The following ACTR10 variants were observed in gnomAD, a reference collection of about 807,000 sequenced individuals.
ACTR10 encodes the protein actin related protein 10.
Under a neutral mutation model 56.2 loss-of-function variants are expected in ACTR10, and 43 were observed. The observed-to-expected ratio is 0.77, with a 90% CI of 0.60 to 0.99. The LOEUF is 0.99. ACTR10 is among the 50% of genes least tolerant of loss of function. ACTR10 has a pLI of 0.00. For missense variants in ACTR10, 466 were observed against 507.8 expected (o/e 0.92, Z 0.79); for synonymous variants, 170 against 176.3 (o/e 0.96, Z 0.28).
intron 2 of ACTR10, among the ~76,000 whole-genome samples, chr14:58,205,634 A>G (rs1725112578): frequency 6.6e-6 from 1 of 152,030 alleles, no homozygotes; most frequent in Non-Finnish European, 1.5e-5. Context: ...TTTTAATTAC[A>G]CTTGATTAAG....
intron 3 of ACTR10, 83 bp from the exon 4 acceptor site, chr14:58,208,916 A>T: frequency 2.4e-6 from 2 of 834,808 alleles, no homozygotes; most frequent in Non-Finnish European, 2.0e-6. Context: ...CTAAGGTAGT[A>T]CAGTTTCACT....
rs527714860 is a variant in ACTR10 at position 58,234,818 on chromosome 14, C to CTTT, written c.*286_*288dup. On this transcript the variant is annotated 3_prime_UTR_variant, in exon 13 of 13. Coordinates refer to ENST00000254286, the MANE Select transcript of ACTR10 (RefSeq NM_018477.3). The stretch of plus-strand genomic sequence containing the variant: ...TTGATTTTGGAAGTTTGTTATGTGG[C>CTTT]TTTTTTTTTTTTTTTTTTTTTGAGA... 14 of 97,452 alleles carry CTTT rather than the reference C, an allele frequency of 1.4e-4. No individual in the cohort carries two copies. The highest frequency in any genetic ancestry group is 3.3e-4 in the South Asian group (1 of 3,032). The allele number at this position is 97,452 out of a possible 1,614,324, so 6.0% of individuals were successfully genotyped here.
At chr14:58,201,864 C>A (rs1463615295) in intron 1 of ACTR10, among the ~76,000 whole-genome samples, 1 of 151,854 alleles carries the variant, frequency 6.6e-6, no homozygotes, top group Non-Finnish European at 1.5e-5. Flanking sequence ...ATTTAGCCGG[C>A]GGTAGTGTCG....
chr14:58,206,181 CT>C (rs938109409), intron 2 of ACTR10, among the ~76,000 whole-genome samples: 117 of 145,364 alleles, frequency 8.0e-4, no homozygotes, highest in East Asian at 1.4e-3. Context: ...GAGCTTTTAT[CT>C]TTTTTTTTTT....
At chr14:58,206,320 C>T (rs1040946676) in intron 2 of ACTR10, among the ~76,000 whole-genome samples, 15 of 151,086 alleles carry the variant, frequency 9.9e-5, no homozygotes, top group Admixed American at 9.3e-4. Flanking sequence ...GAATTACAGG[C>T]GCCCTCCACC....
intron 6 of ACTR10, among the ~76,000 whole-genome samples, chr14:58,214,707 T>C (rs1889090506): frequency 6.7e-6 from 1 of 148,930 alleles, no homozygotes; most frequent in African/African-American, 2.4e-5. Flanking sequence ...GCCAGGCTGT[T>C]CTCAAACTCC....
At chr14:58,212,751 C>A (rs1889034383) in intron 5 of ACTR10, among the ~76,000 whole-genome samples, 1 of 152,136 alleles carries the variant, frequency 6.6e-6, no homozygotes, top group African/African-American at 2.4e-5. Context: ...ACTTAGCAAA[C>A]CCACAGTAAA....
chr14:58,202,183 G>T (rs1888727456), intron 1 of ACTR10, among the ~76,000 whole-genome samples: 1 of 152,010 alleles, frequency 6.6e-6, no homozygotes, highest in Non-Finnish European at 1.5e-5. Context: ...TAGAATGATG[G>T]AATTATGAGT....
At chr14:58,208,203 G>C (rs574456853) in intron 3 of ACTR10, among the ~76,000 whole-genome samples, 185 bp downstream of exon 3, 2 of 151,976 alleles carry the variant, frequency 1.3e-5, no homozygotes, top group South Asian at 4.2e-4. Flanking sequence ...CAGACATAAA[G>C]AGATACTGAA....
intron 7 of ACTR10, among the ~76,000 whole-genome samples, chr14:58,218,339 T>C (rs900064828): frequency 6.6e-6 from 1 of 152,136 alleles, no homozygotes; most frequent in Admixed American, 6.5e-5. Context: ...AGATAGGAAA[T>C]CTTCAAAAAT....
At chr14:58,204,438 C>G (rs1387499947) in intron 2 of ACTR10, among the ~76,000 whole-genome samples, 2 of 152,090 alleles carry the variant, frequency 1.3e-5, no homozygotes, top group African/African-American at 4.8e-5. Flanking sequence ...TAGTCCCCAG[C>G]TACTTGGGAG....
At chr14:58,229,215 T>C (rs569175216) in intron 10 of ACTR10, among the ~76,000 whole-genome samples, 239 of 151,782 alleles carry the variant, frequency 1.6e-3, no homozygotes, top group Non-Finnish European at 2.6e-3. Context: ...AAGTCAAATA[T>C]CTAGAAACAG....
At chr14:58,233,570 C>A (rs1889596517) in intron 12 of ACTR10, among the ~76,000 whole-genome samples, 2 of 152,188 alleles carry the variant, frequency 1.3e-5, no homozygotes, top group Admixed American at 6.5e-5. Flanking sequence ...GGTAAGACTT[C>A]TCAGTCAACA....
chr14:58,203,516 C>G (rs1451778966), intron 2 of ACTR10, among the ~76,000 whole-genome samples: 1 of 152,040 alleles, frequency 6.6e-6, no homozygotes, highest in Non-Finnish European at 1.5e-5. Flanking sequence ...ACAATTAATC[C>G]TCATTCCTAT....
chr14:58,217,577 A>G (rs1889162270), intron 7 of ACTR10, among the ~76,000 whole-genome samples: 1 of 151,936 alleles, frequency 6.6e-6, no homozygotes, highest in African/African-American at 2.4e-5. Flanking sequence ...GAGGCAGGAG[A>G]ATCGCTTGAA....
intron 12 of ACTR10, among the ~76,000 whole-genome samples, chr14:58,232,947 C>G (rs1397315852): frequency 6.6e-6 from 1 of 150,744 alleles, no homozygotes; most frequent in African/African-American, 2.4e-5. Context: ...CCCAGCTCAC[C>G]GCAACCTCTG....
intron 7 of ACTR10, among the ~76,000 whole-genome samples, chr14:58,216,794 C>T (rs1889144736): frequency 6.6e-6 from 1 of 152,154 alleles, no homozygotes. Context: ...ATAAATTGCT[C>T]CTCTCTGTTA....
intron 12 of ACTR10, among the ~76,000 whole-genome samples, chr14:58,233,969 T>A (rs915366250): frequency 3.3e-5 from 5 of 152,198 alleles, no homozygotes. Flanking sequence ...GACATTATGA[T>A]GATGTTTATT....
intron 2 of ACTR10, among the ~76,000 whole-genome samples, chr14:58,206,765 A>G (rs1888873106): frequency 6.6e-6 from 1 of 152,100 alleles, no homozygotes; most frequent in Non-Finnish European, 1.5e-5. Flanking sequence ...GTTTGTTGTC[A>G]TTTTTATCAC....
Sources: gnomAD v4.1 joint callset for allele counts (sites outside exome capture counted in the v4.1 genomes callset) on GRCh38, gnomAD v4.1.1 for gene constraint, MANE v1.5 for transcripts, NCBI Gene and HGNC (gene_info 2026-07-23, HGNC 2026-07-21) for gene names.